SLC14A2: variants seen among roughly 807,000 people sequenced by gnomAD.
SLC14A2 encodes urea transporter 2.
A neutral mutation model predicts 104.6 loss-of-function variants in SLC14A2; 91 were observed. That is an observed-to-expected ratio of 0.87 (90% confidence interval 0.73 to 1.04). SLC14A2 has a LOEUF of 1.04. Among genes scored for constraint, SLC14A2 ranks in the 50% least tolerant of loss-of-function variants. The probability of loss-of-function intolerance (pLI) is 0.00; values close to 1 mark genes in which losing one functional copy is unlikely to be tolerated. For missense variants in SLC14A2, 1,189 were observed against 1,156.0 expected (o/e 1.03, Z -0.41); for synonymous variants, 476 against 466.4 (o/e 1.02, Z -0.27).
At chr18:45,259,140 GT>G (rs1342892915) in intron 1 of SLC14A2, among the ~76,000 whole-genome samples, 1 of 152,194 alleles carries the variant, frequency 6.6e-6, no homozygotes, top group Admixed American at 6.5e-5. Flanking sequence ...AGAAAGGGAG[GT>G]TTGGAAAACT....
chr18:45,394,236 A>C (rs1261901206), intron 1 of SLC14A2, among the ~76,000 whole-genome samples: 4 of 152,166 alleles, frequency 2.6e-5, no homozygotes, highest in African/African-American at 7.2e-5. Context: ...TTGTATATCA[A>C]GCTGTCAGCA....
At chr18:45,223,726 C>T (rs1417720225) in intron 1 of SLC14A2, among the ~76,000 whole-genome samples, 1 of 152,162 alleles carries the variant, frequency 6.6e-6, no homozygotes, top group Non-Finnish European at 1.5e-5. Context: ...GACTCTAAGA[C>T]TCAGCCAGCC....
At chr18:45,574,679 A>G (rs553776553) in intron 2 of SLC14A2, among the ~76,000 whole-genome samples, 92 of 152,356 alleles carry the variant, frequency 6.0e-4, no homozygotes, top group Admixed American at 2.3e-3. Flanking sequence ...AAGATAACAA[A>G]TGTCAAATAC....
intron 1 of SLC14A2, among the ~76,000 whole-genome samples, chr18:45,423,365 T>C (rs531549952): frequency 1.3e-5 from 2 of 152,302 alleles, no homozygotes; most frequent in South Asian, 4.1e-4. Context: ...TGACAGCGAG[T>C]TCATAGTCCT....
chr18:45,183,462 A>G, the SLC14A2 span, among the ~76,000 whole-genome samples: 3 of 152,002 alleles, frequency 2.0e-5, no homozygotes, highest in Admixed American at 6.6e-5. Context: ...TCAAACTCCT[A>G]TCCTCTCAGA....
intron 2 of SLC14A2, among the ~76,000 whole-genome samples, chr18:45,497,060 T>C (rs2043110298): frequency 6.6e-6 from 1 of 152,156 alleles, no homozygotes; most frequent in Admixed American, 6.5e-5. Flanking sequence ...AGACAGCCTA[T>C]TGTGGGACTT....
At chr18:45,624,490 C>A in intron 1 of SLC14A2, 141 bp from the exon 2 acceptor site, 1 of 480,264 alleles carries the variant, frequency 2.1e-6, no homozygotes. Context: ...GAAATGTCCT[C>A]AACTCTACAG....
At chr18:45,439,874 C>T (rs1401165437) in intron 1 of SLC14A2, among the ~76,000 whole-genome samples, 3 of 152,292 alleles carry the variant, frequency 2.0e-5, no homozygotes, top group African/African-American at 7.2e-5. Flanking sequence ...CAGGCTCTAC[C>T]CTGCACAGAG....
intron 1 of SLC14A2, among the ~76,000 whole-genome samples, chr18:45,276,542 C>T (rs567695225): frequency 1.4e-4 from 21 of 152,310 alleles, no homozygotes; most frequent in African/African-American, 4.8e-4. Context: ...TGTTCAGGAA[C>T]ATCATTGATA....
At chr18:45,486,885 G>A (rs757467107) in intron 2 of SLC14A2, among the ~76,000 whole-genome samples, 2 of 152,234 alleles carry the variant, frequency 1.3e-5, no homozygotes, top group Non-Finnish European at 2.9e-5. Context: ...TTTGGAGCAT[G>A]TAGTCTAAAA....
At chr18:45,345,531 T>C (rs1305937396) in intron 1 of SLC14A2, among the ~76,000 whole-genome samples, 1 of 152,188 alleles carries the variant, frequency 6.6e-6, no homozygotes. Flanking sequence ...ACCCTGATCT[T>C]TTTAGTCCTC....
intron 1 of SLC14A2, among the ~76,000 whole-genome samples, chr18:45,395,297 G>A (rs2086016970): frequency 1.3e-5 from 2 of 152,196 alleles, no homozygotes; most frequent in Non-Finnish European, 2.9e-5. Flanking sequence ...CAAACATTAT[G>A]TGATTCCATT....
At chr18:45,592,063 G>T (rs1467243413) in intron 2 of SLC14A2, among the ~76,000 whole-genome samples, 1 of 152,182 alleles carries the variant, frequency 6.6e-6, no homozygotes, top group Non-Finnish European at 1.5e-5. Context: ...TATATATACA[G>T]TAATCACTGG....
intron 2 of SLC14A2, chr18:45,528,829 G>A (rs1172546559): frequency 6.6e-6 from 1 of 152,228 alleles, no homozygotes. Flanking sequence ...AGAAGCAGAG[G>A]CTAGTTCACC....
At chr18:45,311,729 T>C (rs1486192327) in intron 1 of SLC14A2, among the ~76,000 whole-genome samples, 4 of 152,232 alleles carry the variant, frequency 2.6e-5, no homozygotes. Flanking sequence ...ACTTGGGTTC[T>C]GATAAGCCAA....
chr18:45,644,319 C>G, intron 10 of SLC14A2, 159 bp downstream of exon 10: 2 of 599,324 alleles, frequency 3.3e-6, no homozygotes, highest in Non-Finnish European at 5.7e-6. Flanking sequence ...TTCCCTGAAG[C>G]TGATTTTCAT....
At chr18:45,237,179 C>T (rs941862695) in intron 1 of SLC14A2, among the ~76,000 whole-genome samples, 1 of 152,144 alleles carries the variant, frequency 6.6e-6, no homozygotes, top group African/African-American at 2.4e-5. Flanking sequence ...TCAACTGGGG[C>T]TCGCCAATAA....
At chr18:45,591,133 A>AT (rs1275043117) in intron 2 of SLC14A2, among the ~76,000 whole-genome samples, 1 of 151,858 alleles carries the variant, frequency 6.6e-6, no homozygotes, top group African/African-American at 2.4e-5. Flanking sequence ...TTGGAGGTGT[A>AT]TTTTTTTATT....
chr18:45,510,371 G>C (rs1390713770), intron 2 of SLC14A2, among the ~76,000 whole-genome samples: 1 of 152,138 alleles, frequency 6.6e-6, no homozygotes, highest in African/African-American at 2.4e-5. Context: ...ACTAAGCGTA[G>C]GTTTGATGGA....
Sources: gnomAD v4.1 joint callset for allele counts (sites outside exome capture counted in the v4.1 genomes callset) on GRCh38, gnomAD v4.1.1 for gene constraint, MANE v1.5 for transcripts, NCBI Gene and HGNC (gene_info 2026-07-23, HGNC 2026-07-21) for gene names.